PTDSS2: variants seen among roughly 807,000 people sequenced by gnomAD.
PTDSS2 encodes the protein phosphatidylserine synthase 2.
In PTDSS2, 41 loss-of-function variants were observed where a neutral mutation model predicts 64.7. The ratio of observed to expected loss-of-function variants is 0.63; its 90% CI spans 0.49 to 0.82. PTDSS2 has a LOEUF of 0.82. Ranked by LOEUF, PTDSS2 falls within the 40% of genes least tolerant of loss-of-function variation. The pLI is 0.00. For missense variants in PTDSS2, 485 were observed against 650.0 expected, an observed-to-expected ratio of 0.75 and a Z score of 2.76; for synonymous variants, 297 against 277.8, an observed-to-expected ratio of 1.07 and a Z score of -0.69.
chr11:472,111 CG>C (rs1357478880), intron 2 of PTDSS2, among the ~76,000 whole-genome samples: 3 of 147,918 alleles, frequency 2.0e-5, no homozygotes, highest in Non-Finnish European at 3.0e-5. Flanking sequence ...TGGGGTGACG[CG>C]GATGGCGGCC....
chr11:484,712 T>C (rs779086419), intron 4 of PTDSS2, among the ~76,000 whole-genome samples: 1 of 146,448 alleles, frequency 6.8e-6, no homozygotes, highest in Non-Finnish European at 1.5e-5. Flanking sequence ...CAGGCGAGCG[T>C]AAACAGTGCA....
intron 1 of PTDSS2, among the ~76,000 whole-genome samples, chr11:457,303 C>T (rs1325477740): frequency 6.6e-6 from 1 of 152,278 alleles, no homozygotes; most frequent in Non-Finnish European, 1.5e-5. Flanking sequence ...ATTCCATCAT[C>T]CGGAAGGCCC....
chr11:452,878 T>A (rs1231379088), intron 1 of PTDSS2, among the ~76,000 whole-genome samples: 1 of 152,194 alleles, frequency 6.6e-6, no homozygotes, highest in Non-Finnish European at 1.5e-5. Flanking sequence ...GTTTTACTTT[T>A]TATTTTTTAT....
At position 490,787 on chromosome 11, in the gene PTDSS2, T is replaced by TGTAC; in HGVS notation, c.*206_*207insTACG. On this transcript the variant is annotated 3_prime_UTR_variant, in exon 12 of 12. Transcript: ENST00000308020. Reference sequence around the variant, plus strand: ...ATGTGTACACGTGTGTACGTGTGTATGCGTGTGTGTACGCGTGTGTACGCG... The same window carrying TGTAC: ...ATGTGTACACGTGTGTACGTGTGTATGTACGCGTGTGTGTACGCGTGTGTACGCG... 1 of 574,112 alleles carries TGTAC rather than the reference T, an allele frequency of 1.7e-6. No individual in the cohort carries two copies. The highest frequency in any genetic ancestry group is 3.1e-6 in the Non-Finnish European group (1 of 327,068). The allele number at this position is 574,112 out of a possible 1,614,324, so 35.6% of individuals were successfully genotyped here. A position where few individuals can be genotyped will look rare whatever the true frequency, so the allele number is the denominator to read the frequency against.
chr11:489,811 C>T, intron 10 of PTDSS2, 72 bp from the exon 11 acceptor site: 1 of 1,553,422 alleles, frequency 6.4e-7, no homozygotes. Flanking sequence ...GCCTGGGAGG[C>T]CGGAGCCTGG....
At chr11:456,299 C>G (rs1846593918) in intron 1 of PTDSS2, among the ~76,000 whole-genome samples, 1 of 150,512 alleles carries the variant, frequency 6.6e-6, no homozygotes, top group African/African-American at 2.4e-5. Context: ...CCTCCCTCTT[C>G]CCAAGTAGCT....
chr11:449,611 C>T (rs1421335871), upstream of PTDSS2, among the ~76,000 whole-genome samples: 1 of 152,140 alleles, frequency 6.6e-6, no homozygotes, highest in African/African-American at 2.4e-5. Context: ...TCAGCGTGTC[C>T]GCACCATTTT....
In PTDSS2 at chr11:489,501, G is replaced by T. The variant is rs200134879; in HGVS notation, c.956G>T (p.Gly319Val). 1 of 1,613,054 alleles carries T rather than the reference G, an allele frequency of 6.2e-7. No homozygotes were observed. Among genetic ancestry groups the T allele is most frequent in the Non-Finnish European group, 8.5e-7 (1 of 1,179,680 alleles). Reference sequence around the variant, plus strand: ...CTGCGTCGCTGGCTGGCCGTGTGCGGCATCATCCTGGTGGTAAGGCCGGGC... The same window carrying T: ...CTGCGTCGCTGGCTGGCCGTGTGCGTCATCATCCTGGTGGTAAGGCCGGGC... ...SSLRRWLAVC[G>V]IILVFLLAEL... The change falls in exon 9 of 12, where the codon GGC becomes GTC. Residue 319 changes from glycine to valine, a missense_variant. By Grantham distance (109) the Gly-to-Val change is moderately radical. This residue lies in a region of PTDSS2 where 219 missense variants were observed against 257.3 expected (regional missense o/e 0.85). Transcript: ENST00000308020.
chr11:473,226 T>G (rs1028648001), intron 2 of PTDSS2, among the ~76,000 whole-genome samples: 1 of 152,228 alleles, frequency 6.6e-6, no homozygotes, highest in African/African-American at 2.4e-5. Context: ...CGCATCCTCC[T>G]TCCCGTGAAC....
At chr11:475,094 G>GGGACACATTCACGCGTTTGTGTGATAC (rs1847690676) in intron 3 of PTDSS2, among the ~76,000 whole-genome samples, 2 of 74,080 alleles carry the variant, frequency 2.7e-5, no homozygotes, top group African/African-American at 6.0e-5. Flanking sequence ...GTTTGTGTGT[G>GGGACACATTCACGCGTTTGTGTGATAC]GGACATATTC....
At chr11:469,062 G>A (rs1847278873) in intron 2 of PTDSS2, among the ~76,000 whole-genome samples, 2 of 120,456 alleles carry the variant, frequency 1.7e-5, no homozygotes, top group Non-Finnish European at 1.7e-5. Context: ...GGTAATCAGA[G>A]GGAGGAGGAG....
chr11:478,583 C>T (rs1430423581), intron 3 of PTDSS2, among the ~76,000 whole-genome samples: 1 of 152,036 alleles, frequency 6.6e-6, no homozygotes. Context: ...CCTGTCCCGA[C>T]TGAAAATACA....
intron 2 of PTDSS2, among the ~76,000 whole-genome samples, chr11:464,800 T>G (rs1286497580): frequency 6.6e-6 from 1 of 152,254 alleles, no homozygotes; most frequent in East Asian, 1.9e-4. Context: ...TCACACATTT[T>G]ACTCAATAAA....
At chr11:489,297 G>C in intron 8 of PTDSS2, 103 bp from the exon 9 acceptor site, 1 of 944,662 alleles carries the variant, frequency 1.1e-6, no homozygotes, top group Non-Finnish European at 1.6e-6. Context: ...TCGTCCGATG[G>C]CACAGGGCGG....
At chr11:465,888 G>C (rs1437813847) in intron 2 of PTDSS2, among the ~76,000 whole-genome samples, 1 of 152,128 alleles carries the variant, frequency 6.6e-6, no homozygotes, top group Non-Finnish European at 1.5e-5. Flanking sequence ...GCTGCAGTGA[G>C]CTATGGTAGC....
intron 1 of PTDSS2, among the ~76,000 whole-genome samples, chr11:454,263 T>G (rs1846482756): frequency 6.6e-6 from 1 of 152,166 alleles, no homozygotes; most frequent in South Asian, 2.1e-4. Context: ...TTGGGTCCTC[T>G]TCATTCCCAT....
intron 5 of PTDSS2, 173 bp from the exon 6 acceptor site, chr11:487,247 C>T (rs932652296): frequency 3.2e-6 from 3 of 937,544 alleles, no homozygotes; most frequent in South Asian, 1.6e-5. Context: ...CAGGGGGCCC[C>T]TGCTCTCTAG....
intron 1 of PTDSS2, among the ~76,000 whole-genome samples, chr11:457,904 A>G (rs530712579): frequency 1.8e-3 from 274 of 152,314 alleles, no homozygotes; most frequent in Non-Finnish European, 3.0e-3. Context: ...CCGAGACCTC[A>G]CCAGCACTCT....
At chr11:458,054 G>C (rs969645291) in intron 1 of PTDSS2, among the ~76,000 whole-genome samples, 1 of 152,148 alleles carries the variant, frequency 6.6e-6, no homozygotes, top group African/African-American at 2.4e-5. Flanking sequence ...TGCTTTCACG[G>C]TGACCAGTGC....
Sources: allele counts gnomAD v4.1 joint callset (sites outside exome capture counted in the v4.1 genomes callset), GRCh38; gene constraint gnomAD v4.1.1; regional missense constraint gnomAD v4.1.1; transcripts MANE v1.5; gene names NCBI Gene and HGNC (gene_info 2026-07-23, HGNC 2026-07-21).